TMEM132D: variants seen among roughly 807,000 people sequenced by gnomAD.
The protein encoded by TMEM132D is transmembrane protein 132D, also known as mature OL transmembrane protein.
TMEM132D carries 21 observed loss-of-function variants against 62.3 expected under a neutral mutation model. The observed-to-expected ratio is 0.34, with a 90% CI of 0.24 to 0.49. TMEM132D has a LOEUF of 0.49. Among genes scored for constraint, TMEM132D ranks in the 20% least tolerant of loss-of-function variants. The pLI, the probability that TMEM132D is intolerant of heterozygous loss-of-function variation, is 0.99. For missense variants in TMEM132D, 1,346 were observed against 1,402.8 expected (o/e 0.96, Z 0.65); for synonymous variants, 621 against 575.6 (o/e 1.08, Z -1.13).
intron 3 of TMEM132D, among the ~76,000 whole-genome samples, chr12:129,510,680 A>G (rs981059719): frequency 6.6e-6 from 1 of 152,174 alleles, no homozygotes; most frequent in Admixed American, 6.5e-5. Context: ...TCTTCTGCAC[A>G]TGGATAATCA....
intron 2 of TMEM132D, among the ~76,000 whole-genome samples, chr12:129,675,708 C>T (rs1880611240): frequency 6.6e-6 from 1 of 152,052 alleles, no homozygotes; most frequent in Admixed American, 6.5e-5. Flanking sequence ...TGTCAGGACT[C>T]AAGGGGGAGA....
chr12:129,108,431 A>T (rs1192867783), intron 5 of TMEM132D, among the ~76,000 whole-genome samples: 1 of 152,162 alleles, frequency 6.6e-6, no homozygotes, highest in Non-Finnish European at 1.5e-5. Context: ...GATGACTCAG[A>T]TCTCAAAGTC....
chr12:129,539,491 A>G (rs1355016745), intron 2 of TMEM132D, among the ~76,000 whole-genome samples: 4 of 135,914 alleles, frequency 2.9e-5, no homozygotes, highest in East Asian at 2.1e-4. Context: ...TGCAAGCTCC[A>G]CCTCCTGGGT....
chr12:129,603,200 C>T (rs1878527847), intron 2 of TMEM132D, among the ~76,000 whole-genome samples: 1 of 152,172 alleles, frequency 6.6e-6, no homozygotes. Context: ...CTTGGTGTTA[C>T]ACATTTTATG....
At chr12:129,524,234 T>C (rs1354639190) in intron 3 of TMEM132D, among the ~76,000 whole-genome samples, 2 of 147,826 alleles carry the variant, frequency 1.4e-5, no homozygotes, top group Non-Finnish European at 3.0e-5. Context: ...AGTATAATAA[T>C]AAAAAATAAA....
chr12:129,495,794 C>T (rs953868914), intron 3 of TMEM132D, among the ~76,000 whole-genome samples: 2 of 152,096 alleles, frequency 1.3e-5, no homozygotes, highest in East Asian at 1.9e-4. Flanking sequence ...TCTCTATCAG[C>T]GCCTGAAGAG....
rs1193207990 is a variant in TMEM132D at position 129,089,524 on chromosome 12, A to C, written c.1444-4822T>G. ...TGTCCTCTATGACCGGGTGTCCTCC[A>C]TGACCGGGTGTCCTCCATGACCGGG... On this transcript the variant is annotated intron_variant, in intron 5 of 8. Transcript: ENST00000422113. Among the ~76,000 whole-genome samples the C allele has an allele frequency of 4.6e-4, 25 of 54,846 alleles. 2 individuals are homozygous for C. Among genetic ancestry groups the C allele is most frequent in the South Asian group, 8.5e-4 (1 of 1,172 alleles). The allele number at this position is 54,846 out of a possible 152,430, so 36.0% of individuals were successfully genotyped here.
rs565388712 is a variant in TMEM132D at position 129,192,468 on chromosome 12, CTTCTGTAACTGACTCTA to C, written c.1443+17035_1443+17051del. On this transcript the variant is annotated intron_variant, in intron 5 of 8. Coordinates refer to ENST00000422113, the MANE Select transcript of TMEM132D (RefSeq NM_133448.3). ...CCCATGAGGGGAAAGATGGCAGAAG[CTTCTGTAACTGACTCTA>C]ACATTGAAATCAAGATTCTGTGGCA... Among the ~76,000 whole-genome samples the C allele has an allele frequency of 1.2e-3, 188 of 152,346 alleles. 1 individual carries two copies. Among genetic ancestry groups the C allele is most frequent in the African/African-American group, 4.2e-3 (173 of 41,584 alleles).
At chr12:129,566,886 ACT>A (rs1184309618) in intron 2 of TMEM132D, among the ~76,000 whole-genome samples, 1 of 152,182 alleles carries the variant, frequency 6.6e-6, no homozygotes, top group African/African-American at 2.4e-5. Flanking sequence ...TTAAATAATA[ACT>A]CTTTCAACAA....
chr12:129,636,611 T>C (rs1879484231), intron 2 of TMEM132D, among the ~76,000 whole-genome samples: 1 of 152,036 alleles, frequency 6.6e-6, no homozygotes, highest in South Asian at 2.1e-4. Flanking sequence ...TCTACATTTG[T>C]CAAAGCAAAG....
At chr12:129,218,284 G>A (rs1210345335) in intron 4 of TMEM132D, among the ~76,000 whole-genome samples, 1 of 152,162 alleles carries the variant, frequency 6.6e-6, no homozygotes, top group African/African-American at 2.4e-5. Context: ...ACAGTTATGG[G>A]TCACTAAGGA....
At chr12:129,145,203 T>C (rs908370576) in intron 5 of TMEM132D, among the ~76,000 whole-genome samples, 5 of 152,198 alleles carry the variant, frequency 3.3e-5, no homozygotes, top group African/African-American at 1.2e-4. Flanking sequence ...TTTCTATTCC[T>C]TTCCTTTTCA....
intron 3 of TMEM132D, among the ~76,000 whole-genome samples, chr12:129,514,226 C>T (rs943736167): frequency 1.3e-5 from 2 of 152,130 alleles, no homozygotes; most frequent in Non-Finnish European, 2.9e-5. Flanking sequence ...TTTTTGTTTC[C>T]TGCACCCATA....
chr12:129,287,045 CAA>C (rs35768966), intron 4 of TMEM132D, among the ~76,000 whole-genome samples: 3 of 140,832 alleles, frequency 2.1e-5, no homozygotes, highest in Non-Finnish European at 4.6e-5. Context: ...GAGACTCTGT[CAA>C]AAAAAAAAAA....
At chr12:129,523,442 A>G (rs1047674236) in intron 3 of TMEM132D, among the ~76,000 whole-genome samples, 1 of 152,168 alleles carries the variant, frequency 6.6e-6, no homozygotes, top group Non-Finnish European at 1.5e-5. Flanking sequence ...TTAGGTTATT[A>G]TTTATGCCAC....
chr12:129,824,371 C>T (rs1309966767), intron 1 of TMEM132D, among the ~76,000 whole-genome samples: 1 of 152,068 alleles, frequency 6.6e-6, no homozygotes, highest in Admixed American at 6.5e-5. Context: ...CAGTCCTGTT[C>T]AACCATATTT....
At chr12:129,340,883 G>A (rs7136474) in intron 3 of TMEM132D, among the ~76,000 whole-genome samples, 149,850 of 152,322 alleles carry the variant, frequency 0.98, 73,750 homozygotes, top group Middle Eastern at 1. Flanking sequence ...TGTACCTTGA[G>A]CTTGTGGGGA....
chr12:129,355,597 A>G (rs560846016), intron 3 of TMEM132D, among the ~76,000 whole-genome samples: 5 of 152,328 alleles, frequency 3.3e-5, no homozygotes, highest in African/African-American at 1.2e-4. Flanking sequence ...CCAACAATTC[A>G]GAACACCTTC....
At position 129,517,627 on chromosome 12, in the gene TMEM132D, T is replaced by A. The variant is rs116111257; in HGVS notation, c.1115+13432A>T. ...GGCGTCAAGCTGCATCATTGCCTGATGTTAAAATAGCACTGGACAATAAAA... is the reference window on the plus strand; with the variant it reads ...GGCGTCAAGCTGCATCATTGCCTGAAGTTAAAATAGCACTGGACAATAAAA... On this transcript the variant is annotated intron_variant, in intron 3 of 8. Transcript: ENST00000422113. Among the ~76,000 whole-genome samples, 416 of 152,264 alleles carry A rather than the reference T, an allele frequency of 2.7e-3. 1 individual carries two copies. The highest frequency in any genetic ancestry group is 9.6e-3 in the African/African-American group (397 of 41,552).
Sources: gnomAD v4.1 joint callset for allele counts (sites outside exome capture counted in the v4.1 genomes callset) on GRCh38, gnomAD v4.1.1 for gene constraint, MANE v1.5 for transcripts, NCBI Gene and HGNC (gene_info 2026-07-23, HGNC 2026-07-21) for gene names.